Variants in CTCFL observed in about 807,000 individuals in gnomAD.
CTCFL encodes transcriptional repressor CTCFL.
A neutral mutation model predicts 67.4 loss-of-function variants in CTCFL; 36 were observed. That is an observed-to-expected ratio of 0.53 (90% CI 0.41 to 0.71). The LOEUF is 0.71. CTCFL is among the 30% of genes least tolerant of loss of function. CTCFL has a pLI of 0.00. For missense variants in CTCFL, 786 were observed against 835.2 expected, an observed-to-expected ratio of 0.94 and a Z score of 0.73; for synonymous variants, 324 against 302.3, an observed-to-expected ratio of 1.07 and a Z score of -0.75.
chr20:57,505,621 C>T (rs2068165118), intron 9 of CTCFL, among the ~76,000 whole-genome samples: 2 of 152,182 alleles, frequency 1.3e-5, no homozygotes, highest in South Asian at 4.1e-4. Context: ...ACCAAAAATT[C>T]AATACATCAG....
At chr20:57,519,993 C>T (rs1250233269) in intron 3 of CTCFL, among the ~76,000 whole-genome samples, 2 of 135,418 alleles carry the variant, frequency 1.5e-5, no homozygotes, top group Non-Finnish European at 3.4e-5. Flanking sequence ...TAGTGGCCAC[C>T]GTACTGAACA....
chr20:57,505,418 G>C (rs1235306337), intron 9 of CTCFL, among the ~76,000 whole-genome samples: 2 of 151,712 alleles, frequency 1.3e-5, no homozygotes, highest in South Asian at 2.1e-4. Context: ...ACCACGCCCG[G>C]CTAATTTTTT....
intron 1 of CTCFL, chr20:57,524,716 A>C (rs2146486806): frequency 1.0e-6 from 1 of 997,666 alleles, no homozygotes; most frequent in Non-Finnish European, 1.2e-6. Context: ...CCGAGCAGGC[A>C]TTCCCCTCGT....
chr20:57,510,835 AAC>A (rs1326542464), intron 8 of CTCFL, among the ~76,000 whole-genome samples: 2 of 152,236 alleles, frequency 1.3e-5, no homozygotes, highest in Non-Finnish European at 2.9e-5. Context: ...TAGCCTGGGC[AAC>A]AGAGTGAGAC....
chr20:57,523,708 G>A lies in CTCFL; in HGVS notation c.498C>T (p.Asp166=). The A allele has an allele frequency of 1.9e-6, 3 of 1,613,452 alleles. No individual in the cohort carries two copies. Among genetic ancestry groups the A allele is most frequent in the Non-Finnish European group, 1.7e-6 (2 of 1,179,988 alleles). Residue 166 remains aspartate, a synonymous_variant, in exon 2 of 11, where the codon GAC becomes GAT. Coordinates refer to ENST00000243914, the MANE Select transcript of CTCFL (RefSeq NM_001386993.1). ...CAGCCAGGCTCACCGCTAACTTACT[G>A]TCTTCACTGGCCACCATCACATTCT... ...LEENVMVASE[D]SKLAVSLAET... is the part of the protein sequence containing the mutation.
Position 57,497,765 on chromosome 20 carries a change from G to A in CTCFL, c.*785C>T. The A allele has an allele frequency of 1.0e-6, 1 of 984,700 alleles. No homozygotes were observed. The highest frequency in any genetic ancestry group is 4.7e-5 in the South Asian group (1 of 21,274). The allele number at this position is 984,700 out of a possible 1,614,324, so 61.0% of individuals were successfully genotyped here. Reference sequence around the variant, plus strand: ...AAGAGTAGTTTTAGCAGAAAAAAGGGTTATGGAGTGAAATACTAATAAGCA... The same window carrying A: ...AAGAGTAGTTTTAGCAGAAAAAAGGATTATGGAGTGAAATACTAATAAGCA... On this transcript the variant is annotated 3_prime_UTR_variant, in exon 11 of 11. Coordinates refer to ENST00000243914, the MANE Select transcript of CTCFL (RefSeq NM_001386993.1).
At chr20:57,504,537 C>G (rs2068095643) in intron 9 of CTCFL, among the ~76,000 whole-genome samples, 2 of 151,774 alleles carry the variant, frequency 1.3e-5, no homozygotes, top group African/African-American at 4.8e-5. Context: ...CTGCCTTGGC[C>G]TCCCAAAGTG....
chr20:57,499,156 C>A (rs905073456), intron 10 of CTCFL, among the ~76,000 whole-genome samples: 18 of 148,628 alleles, frequency 1.2e-4, no homozygotes, highest in Non-Finnish European at 2.2e-4. Flanking sequence ...AGATTTATAT[C>A]GAGGCGGATC....
chr20:57,520,649 T>A (rs1288235062), intron 3 of CTCFL, among the ~76,000 whole-genome samples: 1 of 152,138 alleles, frequency 6.6e-6, no homozygotes, highest in Admixed American at 6.5e-5. Flanking sequence ...CAAGCTATAT[T>A]AACAGAATGA....
chr20:57,521,311 T>G (rs148253828), intron 3 of CTCFL, among the ~76,000 whole-genome samples: 2 of 152,218 alleles, frequency 1.3e-5, no homozygotes, highest in East Asian at 1.9e-4. Context: ...CATGAGGAGA[T>G]AGTCAACACC....
At chr20:57,503,923 T>A (rs1304236604) in intron 9 of CTCFL, among the ~76,000 whole-genome samples, 2 of 140,224 alleles carry the variant, frequency 1.4e-5, no homozygotes, top group Non-Finnish European at 1.5e-5. Context: ...CCAGCCTGAG[T>A]GACAGAAAAA....
rs1451707761 is a variant in CTCFL at position 57,523,922 on chromosome 20, T to C, written c.284A>G (p.Gln95Arg). ...CTGTATGCTCAGCAAGCTCATATCC[T>C]GCAACTCCACAGCTTCAGAAGTGAA... ...VHFTSEAVEL[Q>R]DMSLLSIQQQ... Residue 95 changes from glutamine to arginine, a missense_variant, in exon 2 of 11, where the codon CAG (glutamine) becomes CGG (arginine). Around this residue, in one of 3 missense-constraint regions of CTCFL, gnomAD observed 333 missense variants for 304.6 expected, o/e 1.09. Coordinates refer to ENST00000243914, the MANE Select transcript of CTCFL (RefSeq NM_001386993.1). The C allele has an allele frequency of 1.2e-6, 2 of 1,613,160 alleles. No individual in the cohort carries two copies. The highest frequency in any genetic ancestry group is 1.6e-4 in the Middle Eastern group (1 of 6,062).
intron 9 of CTCFL, 128 bp downstream of exon 9, chr20:57,508,478 C>G: frequency 1.2e-6 from 1 of 835,158 alleles, no homozygotes; most frequent in African/African-American, 1.7e-5. Context: ...TTTCCTAAGG[C>G]ATGACAGATG....
intron 8 of CTCFL, among the ~76,000 whole-genome samples, chr20:57,509,203 G>C (rs1568861152): frequency 6.6e-6 from 1 of 151,788 alleles, no homozygotes. Flanking sequence ...AAATTCAGCA[G>C]ACCTTTGGGG....
chr20:57,518,557 A>G (rs2069096864), intron 5 of CTCFL: 1 of 1,429,500 alleles, frequency 7.0e-7, no homozygotes, highest in Non-Finnish European at 9.3e-7. Flanking sequence ...ATTTTCACTA[A>G]TTAGTAATCA....
At chr20:57,516,280 G>A (rs1568872579) in intron 5 of CTCFL, among the ~76,000 whole-genome samples, 1 of 152,166 alleles carries the variant, frequency 6.6e-6, no homozygotes, top group Non-Finnish European at 1.5e-5. Flanking sequence ...GCTCACGCCT[G>A]TAATCCCAGC....
chr20:57,524,234 A>G lies in CTCFL; in HGVS notation c.-11-18T>C, dbSNP rs763064981. 2.6e-6 allele frequency: 4 copies of G among 1,542,020 alleles called. No homozygotes were observed. The highest frequency in any genetic ancestry group is 1.8e-6 in the Non-Finnish European group (2 of 1,142,414). On this transcript the variant is annotated intron_variant, in intron 1 of 10. Transcript: ENST00000243914. ...GACTTGGCCTGTTTGAAAAATAAGC[A>G]AGCGGTTTCCATAGGGGGGAGAAGG...
rs571976681 is a variant in CTCFL at position 57,524,607 on chromosome 20, C to A, written c.-11-391G>T. Reference sequence around the variant, plus strand: ...ATCCTGGGCCTAGTAAGGTTTGGGCCCAGCAGGCTCTCGGCCAGTGCATAT... The same window carrying A: ...ATCCTGGGCCTAGTAAGGTTTGGGCACAGCAGGCTCTCGGCCAGTGCATAT... On this transcript the variant is annotated intron_variant, in intron 1 of 10. Coordinates refer to ENST00000243914, the MANE Select transcript of CTCFL (RefSeq NM_001386993.1). 365 of 1,024,248 alleles carry A rather than the reference C, an allele frequency of 3.6e-4. 2 individuals are homozygous for A. In the Middle Eastern group the frequency reaches 8.3e-3, roughly 23 times the overall value. 63.4% of individuals were successfully genotyped at this position (1,024,248 alleles called of 1,614,324 possible). A position where few individuals can be genotyped will look rare whatever the true frequency, so the allele number is the denominator to read the frequency against.
At chr20:57,514,543 A>C (rs760397152) in intron 7 of CTCFL, 49 bp downstream of exon 7, 7 of 1,602,884 alleles carry the variant, frequency 4.4e-6, no homozygotes, top group Non-Finnish European at 4.3e-6. Flanking sequence ...ACCACGCTCC[A>C]AAGAGCCAGC....
Sources: gnomAD v4.1 joint callset for allele counts (sites outside exome capture counted in the v4.1 genomes callset) on GRCh38, gnomAD v4.1.1 for gene constraint, gnomAD v4.1.1 regional missense constraint, MANE v1.5 for transcripts, NCBI Gene and HGNC (gene_info 2026-07-23, HGNC 2026-07-21) for gene names.